Variants in YWHAE observed in about 807,000 individuals in gnomAD.
YWHAE encodes the protein 14-3-3 protein epsilon.
Under a neutral mutation model 30.1 loss-of-function variants are expected in YWHAE, and 4 were observed. The observed-to-expected ratio is 0.13, with a 90% CI of 0.07 to 0.30. The LOEUF (loss-of-function observed/expected upper bound fraction) is 0.30. Ranked by LOEUF, YWHAE falls within the 10% of genes least tolerant of loss-of-function variation. The probability of loss-of-function intolerance (pLI) is 1.00; values close to 1 mark genes in which losing one functional copy is unlikely to be tolerated. For synonymous variants in YWHAE, 118 were observed against 111.8 expected (o/e 1.06, Z -0.35); for missense variants, 121 against 315.9 (o/e 0.38, Z 4.68).
At position 1,359,071 on chromosome 17, in the gene YWHAE, G is replaced by C. The variant is rs536395532; in HGVS notation, c.578+2021C>G. Among the ~76,000 whole-genome samples, 332 of 152,042 alleles carry C rather than the reference G, an allele frequency of 2.2e-3. 2 individuals carry two copies. The highest frequency in any genetic ancestry group is 4.2e-3 in the South Asian group (20 of 4,814). On this transcript the variant is annotated intron_variant, in intron 4 of 5. Coordinates refer to ENST00000264335, the MANE Select transcript of YWHAE (RefSeq NM_006761.5). Reference sequence around the variant, plus strand: ...GAATCGCTTGAACCTGGAAGGCAGAGGTTGCAGTGGGCCAAGATCACGCCA... The same window carrying C: ...GAATCGCTTGAACCTGGAAGGCAGACGTTGCAGTGGGCCAAGATCACGCCA...
intron 1 of YWHAE, among the ~76,000 whole-genome samples, chr17:1,368,081 T>C (rs1485871606): frequency 1.3e-5 from 2 of 151,388 alleles, no homozygotes; most frequent in African/African-American, 2.4e-5. Context: ...TGACACCCCG[T>C]CTCTACTAAA....
chr17:1,360,768 A>AT (rs1342861552), intron 4 of YWHAE, among the ~76,000 whole-genome samples: 1 of 152,166 alleles, frequency 6.6e-6, no homozygotes. Flanking sequence ...ATGGTCTCAA[A>AT]TTTAAAAAAA....
At chr17:1,355,147 A>AAAAAAAAAAAAAAAAAAAAAAAAAAAAAC (rs2072716756) in intron 4 of YWHAE, among the ~76,000 whole-genome samples, 1 of 108,404 alleles carries the variant, frequency 9.2e-6, no homozygotes, top group Non-Finnish European at 1.8e-5. Flanking sequence ...AAAAAAAAAA[A>AAAAAAAAAAAAAAAAAAAAAAAAAAAAAC]ATTTTTTTTT....
intron 1 of YWHAE, chr17:1,398,701 TA>T (rs1308063540): frequency 2.6e-5 from 4 of 152,128 alleles, no homozygotes; most frequent in African/African-American, 9.7e-5. Flanking sequence ...CGCACAATTA[TA>T]AATGTGTGGG....
At chr17:1,366,233 T>TAACATA (rs1211432160) in intron 1 of YWHAE, among the ~76,000 whole-genome samples, 2 of 147,418 alleles carry the variant, frequency 1.4e-5, no homozygotes, top group Non-Finnish European at 3.0e-5. Flanking sequence ...ATAGAATAAA[T>TAACATA]AAAATAAAAA....
rs144693809 is a variant in YWHAE, at chr17:1,383,035, A to G, written c.64+17012T>C. Among the ~76,000 whole-genome samples, 679 of 151,630 alleles carry G rather than the reference A, an allele frequency of 4.5e-3. 6 individuals carry two copies. Among genetic ancestry groups the G allele is most frequent in the African/African-American group, 0.015 (631 of 41,394 alleles). On this transcript the variant is annotated intron_variant, in intron 1 of 5. Transcript: ENST00000264335. ...GCAAGATTCCGTCTCAAGAAAGAAA[A>G]AAAAAAAAAAGGCAAAACAAAAGTG...
intron 5 of YWHAE, among the ~76,000 whole-genome samples, chr17:1,347,456 G>A (rs1042704783): frequency 1.3e-5 from 2 of 151,570 alleles, no homozygotes; most frequent in Non-Finnish European, 2.9e-5. Flanking sequence ...CACTCCAGGC[G>A]GGGCAACAAG....
chr17:1,364,101 A>T (rs12103746), intron 2 of YWHAE, among the ~76,000 whole-genome samples: 1 of 151,902 alleles, frequency 6.6e-6, no homozygotes, highest in Non-Finnish European at 1.5e-5. Context: ...TTTTAACAAG[A>T]CCTACAATAA....
Position 1,359,959 on chromosome 17 carries a change from G to GGA in YWHAE, c.578+1131_578+1132dup, listed in dbSNP as rs1311826142. ...AGGAGGGGGAGGGGGGGAGAGAGGG[G>GGA]GAGAGAGAGAGAGAGAGATTTGAAA... On this transcript the variant is annotated intron_variant, in intron 4 of 5. Transcript: ENST00000264335. Among the ~76,000 whole-genome samples, 500 of 109,076 alleles carry GGA rather than the reference G, an allele frequency of 4.6e-3. 9 individuals are homozygous for GGA. The highest frequency in any genetic ancestry group is 9.8e-3 in the Middle Eastern group (2 of 204). 71.6% of individuals were successfully genotyped at this position (109,076 alleles called of 152,430 possible). A position where few individuals can be genotyped will look rare whatever the true frequency, so the allele number is the denominator to read the frequency against.
intron 1 of YWHAE, among the ~76,000 whole-genome samples, chr17:1,367,460 GGT>G (rs1258470042): frequency 6.6e-6 from 1 of 152,158 alleles, no homozygotes; most frequent in Non-Finnish European, 1.5e-5. Flanking sequence ...TGGGTGTGGT[GGT>G]GTGTGCCTGC....
chr17:1,361,319 A>T lies in YWHAE; in HGVS notation c.372-21T>A, dbSNP rs746181382. On this transcript the variant is annotated intron_variant, in intron 3 of 5. Transcript: ENST00000264335. The stretch of plus-strand genomic sequence containing the variant: ...CTTTCCTAAAACAAAACCAAAATTA[A>T]AAAAAAAAAAAAAATTTAAACTAGG... The T allele has an allele frequency of 2.1e-4, 153 of 731,554 alleles. No homozygotes were observed. In the African/African-American group the frequency reaches 2.6e-3, roughly 13 times the overall value. The allele number at this position is 731,554 out of a possible 1,614,324, so 45.3% of individuals were successfully genotyped here.
chr17:1,357,359 C>T (rs1418074580), intron 4 of YWHAE, among the ~76,000 whole-genome samples: 3 of 141,002 alleles, frequency 2.1e-5, no homozygotes, highest in African/African-American at 5.4e-5. Flanking sequence ...GCCGAGATCG[C>T]GCTACTGCAC....
At chr17:1,398,493 G>C (rs1459195965) in intron 1 of YWHAE, among the ~76,000 whole-genome samples, 2 of 152,070 alleles carry the variant, frequency 1.3e-5, no homozygotes, top group Non-Finnish European at 2.9e-5. Context: ...GACTAACCCT[G>C]AGGTTATTCA....
At chr17:1,363,639 A>G (rs762959803) in intron 2 of YWHAE, among the ~76,000 whole-genome samples, 83 of 152,132 alleles carry the variant, frequency 5.5e-4, no homozygotes, top group Non-Finnish European at 1.1e-3. Context: ...CATAGTTGGG[A>G]TAATACCTCC....
chr17:1,352,741 G>C (rs1173454206), intron 5 of YWHAE, among the ~76,000 whole-genome samples: 1 of 152,076 alleles, frequency 6.6e-6, no homozygotes. Context: ...TAGCCAGGAT[G>C]GTCTCGATCT....
chr17:1,397,971 G>T (rs898532572), intron 1 of YWHAE, among the ~76,000 whole-genome samples: 8 of 152,122 alleles, frequency 5.3e-5, no homozygotes, highest in African/African-American at 1.9e-4. Context: ...AAGGGCTCTG[G>T]TCAGAAATCC....
intron 5 of YWHAE, among the ~76,000 whole-genome samples, chr17:1,350,988 G>A (rs755609570): frequency 2.0e-5 from 3 of 151,818 alleles, no homozygotes; most frequent in African/African-American, 2.4e-5. Flanking sequence ...GAACCCAGGA[G>A]GCAGAGGTTG....
intron 1 of YWHAE, chr17:1,399,845 T>G (rs937863122): frequency 3.5e-6 from 2 of 567,310 alleles, no homozygotes; most frequent in Non-Finnish European, 6.2e-6. Flanking sequence ...TTGTTTGCAG[T>G]TAAGGACGGC....
intron 1 of YWHAE, among the ~76,000 whole-genome samples, chr17:1,367,279 C>T (rs767886181): frequency 3.9e-5 from 6 of 152,160 alleles, no homozygotes; most frequent in Non-Finnish European, 7.3e-5. Context: ...CTGATGTTCA[C>T]ATATGTAAGA....
Sources: gnomAD v4.1 joint callset for allele counts (sites outside exome capture counted in the v4.1 genomes callset) on GRCh38, gnomAD v4.1.1 for gene constraint, MANE v1.5 for transcripts, NCBI Gene and HGNC (gene_info 2026-07-23, HGNC 2026-07-21) for gene names.